The following TTC7A variants were observed in gnomAD, a reference collection of about 807,000 sequenced individuals.
The protein encoded by TTC7A is tetratricopeptide repeat domain 7A, also known as tetratricopeptide repeat protein 7A.
TTC7A carries 110 observed loss-of-function variants against 103.7 expected under a neutral mutation model. The observed-to-expected ratio is 1.06, with a 90% CI of 0.91 to 1.24. The LOEUF (loss-of-function observed/expected upper bound fraction) is 1.24. Among genes scored for constraint, TTC7A ranks in the 50% most tolerant of loss-of-function variants. TTC7A has a pLI of 0.00. For synonymous variants in TTC7A, 521 were observed against 467.9 expected (o/e 1.11, Z -1.47); for missense variants, 1,340 against 1,116.3 (o/e 1.20, Z -2.86).
chr2:46,941,836 A>G lies in TTC7A; in HGVS notation c.184+111A>G. ...GCCGACAGCGGGCGCCTGCCAGCCC[A>G]CCGTGCTAGTCTTAAGAGCAGCCAG... On this transcript the variant is annotated intron_variant, in intron 1 of 19. Transcript: ENST00000319190. This position sits in a 1 kb window ranked among gnomAD's most constrained non-coding sequence, Gnocchi z 4.2. 1.4e-6 allele frequency: 2 copies of G among 1,385,484 alleles called. No homozygotes were observed. Among genetic ancestry groups the G allele is most frequent in the African/African-American group, 1.4e-5 (1 of 69,608 alleles). The allele number at this position is 1,385,484 out of a possible 1,614,324, so 85.8% of individuals were successfully genotyped here.
chr2:47,038,866 C>G (rs1349212241), intron 15 of TTC7A, among the ~76,000 whole-genome samples: 1 of 151,986 alleles, frequency 6.6e-6, no homozygotes. Flanking sequence ...ACTCAACTTT[C>G]CTCTTCCGTT....
At position 46,962,678 on chromosome 2, in the gene TTC7A, A is replaced by G. The variant is rs573358938; in HGVS notation, c.517+5671A>G. Among the ~76,000 whole-genome samples the G allele has an allele frequency of 1.7e-3, 260 of 152,254 alleles. 1 individual carries two copies. Among genetic ancestry groups the G allele is most frequent in the African/African-American group, 6.0e-3 (249 of 41,538 alleles). ...AGTATGGCAGACTTCCTGCCTGGCC[A>G]TGGTGTCTCGGCCATATGGCTGTCT... On this transcript the variant is annotated intron_variant, in intron 3 of 19. Coordinates refer to ENST00000319190, the MANE Select transcript of TTC7A (RefSeq NM_020458.4).
At position 47,051,845 on chromosome 2, in the gene TTC7A, T is replaced by C. The variant is rs1364010714; in HGVS notation, c.2117T>C (p.Leu706Pro). The C allele has an allele frequency of 1.9e-6, 3 of 1,612,136 alleles. No individual in the cohort carries two copies. In the Admixed American group the frequency reaches 5.0e-5, roughly 27 times the overall value. The change falls in exon 18 of 20, where the codon CTG becomes CCG. Residue 706 changes from leucine to proline, a missense_variant. Coordinates refer to ENST00000319190, the MANE Select transcript of TTC7A (RefSeq NM_020458.4). ...SSVLKQGPMQ[L>P]WTTLEQIWLQ... is the part of the protein sequence containing the mutation. ...GTCCTGAAGCAGGGCCCCATGCAGC[T>C]GTGGACCACGCTGGAACAGATCTGG...
At chr2:46,927,405 G>A (rs1317375590) in intron 2 of TTC7A, among the ~76,000 whole-genome samples, 2 of 147,724 alleles carry the variant, frequency 1.4e-5, no homozygotes, top group African/African-American at 5.0e-5. Context: ...TGCCCAGGCT[G>A]GAGTGCAGTG....
chr2:47,001,700 TAC>T (rs1676824911), intron 8 of TTC7A, among the ~76,000 whole-genome samples: 1 of 151,564 alleles, frequency 6.6e-6, no homozygotes, highest in South Asian at 2.1e-4. Context: ...CTACTAGAAA[TAC>T]AAAAAAATTA....
At chr2:46,966,268 ATAATATTTCATC>A (rs1170074598) in intron 3 of TTC7A, among the ~76,000 whole-genome samples, 5 of 152,112 alleles carry the variant, frequency 3.3e-5, no homozygotes, top group African/African-American at 1.2e-4. Flanking sequence ...TCTACTCTTT[ATAATATTTCATC>A]TAATTTAATG....
intron 14 of TTC7A, among the ~76,000 whole-genome samples, chr2:47,024,711 GC>G (rs1461457066): frequency 1.3e-5 from 2 of 152,042 alleles, no homozygotes; most frequent in Non-Finnish European, 2.9e-5. Context: ...GGAGTGATGG[GC>G]AGGCTCATGG....
chr2:46,917,834 C>T (rs543434014), intron 2 of TTC7A, among the ~76,000 whole-genome samples: 1 of 152,158 alleles, frequency 6.6e-6, no homozygotes, highest in Non-Finnish European at 1.5e-5. Context: ...CTTAGAAACA[C>T]TTTCTTCTCT....
chr2:46,942,678 A>G (rs1670543364), intron 1 of TTC7A, among the ~76,000 whole-genome samples: 1 of 152,170 alleles, frequency 6.6e-6, no homozygotes, highest in Non-Finnish European at 1.5e-5. Context: ...GCACAGAGCA[A>G]CTAAATAACT....
intron 18 of TTC7A, among the ~76,000 whole-genome samples, chr2:47,056,767 G>T (rs116755770): frequency 1.3e-5 from 2 of 152,206 alleles, no homozygotes; most frequent in Non-Finnish European, 2.9e-5. Flanking sequence ...AGACAGACAA[G>T]CAAGAGAAGA....
chr2:46,971,916 A>C (rs968183624), intron 3 of TTC7A, among the ~76,000 whole-genome samples: 1 of 146,930 alleles, frequency 6.8e-6, no homozygotes, highest in Non-Finnish European at 1.5e-5. Flanking sequence ...TATTAGCTGC[A>C]AGTGACAAAA....
intron 3 of TTC7A, among the ~76,000 whole-genome samples, chr2:46,961,698 A>C (rs942740432): frequency 6.6e-6 from 1 of 151,988 alleles, no homozygotes; most frequent in Non-Finnish European, 1.5e-5. Flanking sequence ...TGAGGTTAGG[A>C]GTTTGAGACC....
intron 3 of TTC7A, among the ~76,000 whole-genome samples, chr2:46,964,039 C>T (rs951342415): frequency 1.3e-5 from 2 of 152,198 alleles, no homozygotes; most frequent in Admixed American, 6.5e-5. Flanking sequence ...AGCCCCAGAG[C>T]GCAGGCAGAA....
intron 8 of TTC7A, chr2:46,999,976 G>T: frequency 1.1e-6 from 1 of 907,906 alleles, no homozygotes; most frequent in Non-Finnish European, 1.3e-6. Context: ...TTTGAATCTT[G>T]AATTTACCAT....
At chr2:46,984,439 G>T (rs1014970684) in intron 5 of TTC7A, among the ~76,000 whole-genome samples, 1 of 152,214 alleles carries the variant, frequency 6.6e-6, no homozygotes, top group East Asian at 1.9e-4. Context: ...CTAAGATGGG[G>T]CTTCTGTTTG....
intron 2 of TTC7A, among the ~76,000 whole-genome samples, chr2:46,930,378 A>T (rs1003918539): frequency 1.3e-5 from 2 of 151,172 alleles, no homozygotes; most frequent in Non-Finnish European, 2.9e-5. Context: ...AGATAAGCAG[A>T]TTTTATAATT....
intron 2 of TTC7A, among the ~76,000 whole-genome samples, chr2:46,919,431 G>A (rs1668985530): frequency 6.6e-6 from 1 of 152,208 alleles, no homozygotes; most frequent in African/African-American, 2.4e-5. Flanking sequence ...TACTCGGGAG[G>A]CTGAAGCAGG....
chr2:46,978,140 T>C (rs1025669081), intron 4 of TTC7A: 1 of 152,522 alleles, frequency 6.6e-6, no homozygotes, highest in Admixed American at 6.5e-5. Context: ...GAAGCAGTGC[T>C]GCGTGAAGCG....
chr2:46,994,223 G>GT, intron 6 of TTC7A, 134 bp from the exon 7 acceptor site: 2 of 1,056,268 alleles, frequency 1.9e-6, no homozygotes, highest in Non-Finnish European at 2.7e-6. Flanking sequence ...TGGGAGTGGG[G>GT]TTGGGGAGTT....
Sources: gnomAD v4.1 joint callset for allele counts (sites outside exome capture counted in the v4.1 genomes callset) on GRCh38, gnomAD v4.1.1 for gene constraint, Gnocchi (gnomAD v3.1) non-coding constraint, MANE v1.5 for transcripts, NCBI Gene and HGNC (gene_info 2026-07-23, HGNC 2026-07-21) for gene names.